The following TBC1D2 variants were observed in gnomAD, a reference collection of about 807,000 sequenced individuals.
TBC1D2 encodes TBC1 domain family member 2A.
In TBC1D2, 58 loss-of-function variants were observed where a neutral mutation model predicts 91.1. The observed-to-expected ratio is 0.64, with a 90% CI of 0.52 to 0.79. The LOEUF (loss-of-function observed/expected upper bound fraction) is 0.79. Ranked by LOEUF, TBC1D2 falls within the 30% of genes least tolerant of loss-of-function variation. The probability of loss-of-function intolerance (pLI) is 0.00; values close to 1 mark genes in which losing one functional copy is unlikely to be tolerated. For missense variants in TBC1D2, 1,080 were observed against 1,208.3 expected, an observed-to-expected ratio of 0.89 and a Z score of 1.57; for synonymous variants, 482 against 511.5, an observed-to-expected ratio of 0.94 and a Z score of 0.78.
At chr9:98,207,272 TTAAA>T (rs1366968791) in intron 9 of TBC1D2, among the ~76,000 whole-genome samples, 1 of 152,222 alleles carries the variant, frequency 6.6e-6, no homozygotes, top group Non-Finnish European at 1.5e-5. Context: ...TGATTCTGTG[TTAAA>T]TAAATGTCAC....
In TBC1D2 at chr9:98,244,119, C is replaced by T; in HGVS notation, c.522G>A (p.Glu174=). The part of the protein sequence containing the change: ...PVLHLELGQE[E]AELEEFLCPV... ...GGCACAGGAACTCCTCCAGCTCTGC[C>T]TCTTCTTGCCCTGGGAACAAAGAAA... The change falls in exon 3 of 13, where the codon GAG becomes GAA. Residue 174 remains glutamate (E), a synonymous_variant. Transcript: ENST00000465784. The T allele has an allele frequency of 6.2e-7, 1 of 1,613,240 alleles. No individual in the cohort carries two copies. Among genetic ancestry groups the T allele is most frequent in the Non-Finnish European group, 8.5e-7 (1 of 1,179,694 alleles).
Position 98,221,075 on chromosome 9 carries a change from CCTCCACCCG to C in TBC1D2, c.1123_1131del (p.Arg375_Glu377del), listed in dbSNP as rs770223807. On this transcript the variant is annotated inframe_deletion, in exon 6 of 13. Transcript: ENST00000465784. Reference sequence around the variant, plus strand: ...AGGCTCTCCCGCTCCTGCTCCAGGGCCTCCACCCGCCGGCCCAGCTCCGCGATCTGCCGC... The same window carrying C: ...AGGCTCTCCCGCTCCTGCTCCAGGGCCCGGCCCAGCTCCGCGATCTGCCGC... 1.3e-6 allele frequency: 2 copies of C among 1,595,910 alleles called. No homozygotes were observed. Among genetic ancestry groups the C allele is most frequent in the South Asian group, 2.2e-5 (2 of 90,328 alleles).
intron 5 of TBC1D2, among the ~76,000 whole-genome samples, chr9:98,221,748 A>C (rs1829107670): frequency 6.6e-6 from 1 of 151,184 alleles, no homozygotes; most frequent in Admixed American, 6.6e-5. Flanking sequence ...TTTTTTTTTG[A>C]GATAGCGTCT....
chr9:98,217,876 G>A (rs1829006845), intron 6 of TBC1D2, among the ~76,000 whole-genome samples: 1 of 151,924 alleles, frequency 6.6e-6, no homozygotes, highest in Non-Finnish European at 1.5e-5. Context: ...TTCATACCTA[G>A]TGAATTTATT....
At chr9:98,212,124 CCAAA>C (rs975834858) in intron 7 of TBC1D2, among the ~76,000 whole-genome samples, 5 of 152,104 alleles carry the variant, frequency 3.3e-5, no homozygotes, top group Admixed American at 1.3e-4. Flanking sequence ...GCTGCTGATT[CCAAA>C]CAATCTCCCT....
intron 6 of TBC1D2, among the ~76,000 whole-genome samples, chr9:98,218,770 A>G (rs1829028544): frequency 6.6e-6 from 1 of 152,032 alleles, no homozygotes; most frequent in African/African-American, 2.4e-5. Flanking sequence ...AGCTCACTGC[A>G]ACCTCCACCT....
chr9:98,210,656 C>G lies in TBC1D2; in HGVS notation c.1673G>C (p.Ser558Thr). The change falls in exon 8 of 13, where the codon AGT (serine) becomes ACT (threonine). Residue 558 changes from serine (S) to threonine (T), a missense_variant and splice_region_variant. Physicochemically the swap from Ser to Thr is moderately conservative, Grantham distance 58. Transcript: ENST00000465784. ...GCCCTTCCTGGGCCGCCAGGCTCAC[C>G]TGATGGGGCTCAGCTCGATGCTGTC... ...SSDSIELSPI[S>T]KYDEYGFLTV... The G allele has an allele frequency of 1.9e-6, 3 of 1,585,154 alleles. No homozygotes were observed. The highest frequency in any genetic ancestry group is 2.6e-6 in the Non-Finnish European group (3 of 1,163,056).
chr9:98,208,890 A>G lies in TBC1D2; in HGVS notation c.1928T>C (p.Val643Ala), dbSNP rs767804386. Residue 643 changes from valine to alanine, a missense_variant, in exon 9 of 13, where the codon GTC becomes GCC. By Grantham distance (64) the Val-to-Ala change is moderately conservative (BLOSUM62 0). Transcript: ENST00000465784. Reference protein sequence around the residue: ...RVWRWLVHLRVQHLHTPGCYQ... With the variant: ...RVWRWLVHLRAQHLHTPGCYQ... The stretch of plus-strand genomic sequence containing the variant: ...GCAGCCTGGAGTGTGCAGGTGCTGG[A>G]CACGGAGGTGGACCAGCCACCTCCA... The G allele has an allele frequency of 5.5e-5, 88 of 1,614,010 alleles. No homozygotes were observed. The highest frequency in any genetic ancestry group is 6.5e-5 in the Non-Finnish European group (77 of 1,180,006).
rs1410198092 is a variant in TBC1D2, at chr9:98,200,393, C to T, written c.2458-19G>A. 1 of 1,566,946 alleles carries T rather than the reference C, an allele frequency of 6.4e-7. No individual in the cohort carries two copies. The highest frequency in any genetic ancestry group is 8.7e-7 in the Non-Finnish European group (1 of 1,154,852). On this transcript the variant is annotated intron_variant, in intron 11 of 12. Transcript: ENST00000465784. ...ACACCACCTGGGGGTAGAGTGGGGG[C>T]TCAGGTAGGGCATGGGGGGGCCAGG...
At chr9:98,236,748 A>G (rs1829514162) in intron 3 of TBC1D2, among the ~76,000 whole-genome samples, 1 of 152,166 alleles carries the variant, frequency 6.6e-6, no homozygotes, top group Non-Finnish European at 1.5e-5. Flanking sequence ...GGAATCCAAA[A>G]ATGGTCTGCA....
At chr9:98,203,868 C>T (rs1330775986) in intron 9 of TBC1D2, among the ~76,000 whole-genome samples, 1 of 152,152 alleles carries the variant, frequency 6.6e-6, no homozygotes, top group Non-Finnish European at 1.5e-5. Context: ...TTGGCAAGTA[C>T]ACTAACCTCT....
Position 98,199,378 on chromosome 9 carries a change from A to G in TBC1D2, c.*3T>C. ...AAGGCTGTGGGGAGGGGAGGTGGCC[A>G]AGTCAGGCTTCCCCCTCCACCTCGT... On this transcript the variant is annotated 3_prime_UTR_variant, in exon 13 of 13. Transcript: ENST00000465784. The G allele has an allele frequency of 6.2e-7, 1 of 1,612,542 alleles. No individual in the cohort carries two copies.
Position 98,210,847 on chromosome 9 carries a change from C to A in TBC1D2, c.1486-4G>T. 1 of 1,550,456 alleles carries A rather than the reference C, an allele frequency of 6.4e-7. No individual in the cohort carries two copies. The highest frequency in any genetic ancestry group is 2.4e-5 in the East Asian group (1 of 40,904). Reference sequence around the variant, plus strand: ...TTCTGGCTTGGAGGTAGGCGCACTGCAAACAGGGAAAGGCTGGTCAGGCTA... The same window carrying A: ...TTCTGGCTTGGAGGTAGGCGCACTGAAAACAGGGAAAGGCTGGTCAGGCTA... On this transcript the variant is annotated splice_polypyrimidine_tract_variant and splice_region_variant and intron_variant, in intron 7 of 12. Transcript: ENST00000465784.
intron 2 of TBC1D2, among the ~76,000 whole-genome samples, chr9:98,248,819 CTTA>C (rs912810330): frequency 2.1e-4 from 32 of 152,160 alleles, no homozygotes; most frequent in African/African-American, 7.7e-4. Context: ...ACTTGCTATT[CTTA>C]TTATTATAAG....
rs150525214 is a variant in TBC1D2, at chr9:98,223,918, G to A, written c.979-2690C>T. Reference sequence around the variant, plus strand: ...AGGACCAATTCTTAAAAATAGGTTGGGCCGGGCGTGGTGGCTCACGCCTGT... The same window carrying A: ...AGGACCAATTCTTAAAAATAGGTTGAGCCGGGCGTGGTGGCTCACGCCTGT... On this transcript the variant is annotated intron_variant, in intron 5 of 12. Coordinates refer to ENST00000465784, the MANE Select transcript of TBC1D2 (RefSeq NM_001267571.2). Among the ~76,000 whole-genome samples the A allele has an allele frequency of 2.4e-3, 364 of 152,328 alleles. 1 individual carries two copies. Among genetic ancestry groups the A allele is most frequent in the African/African-American group, 8.2e-3 (341 of 41,590 alleles).
Position 98,255,194 on chromosome 9 carries a change from G to T in TBC1D2, c.348C>A (p.Pro116=). Residue 116 remains proline, a synonymous_variant, in exon 1 of 13, where the codon CCC becomes CCA. Transcript: ENST00000465784. ...AEEGIFEIKT[P]SRVITLKAAT... ...TTACCTTCAGGGTAATAACCCGGCT[G>T]GGAGTCTTGATTTCGAAGATCCCCT... 8 of 1,609,692 alleles carry T rather than the reference G, an allele frequency of 5.0e-6. No individual in the cohort carries two copies. The highest frequency in any genetic ancestry group is 6.8e-6 in the Non-Finnish European group (8 of 1,176,650).
intron 3 of TBC1D2, among the ~76,000 whole-genome samples, chr9:98,243,677 T>C (rs1021192857): frequency 1.3e-5 from 2 of 151,804 alleles, no homozygotes; most frequent in African/African-American, 4.8e-5. Flanking sequence ...GCTGGGATTA[T>C]AGGCACCTGC....
rs1011422602 is a variant in TBC1D2, at chr9:98,228,076, G to A, written c.978+876C>T. Among the ~76,000 whole-genome samples the A allele has an allele frequency of 2.0e-5, 3 of 152,148 alleles. No individual in the cohort carries two copies. The highest frequency in any genetic ancestry group is 4.8e-5 in the African/African-American group (2 of 41,432). On this transcript the variant is annotated intron_variant, in intron 5 of 12. Transcript: ENST00000465784. This position sits in a 1 kb window ranked among gnomAD's most constrained non-coding sequence, Gnocchi z 4.0. Reference sequence around the variant, plus strand: ...GGAAAACAAAGCAGAAAGGGCCTCCGGGCAGCCAAAGTTCAAACACAAAAG... The same window carrying A: ...GGAAAACAAAGCAGAAAGGGCCTCCAGGCAGCCAAAGTTCAAACACAAAAG...
chr9:98,213,351 T>A (rs1307824368), intron 6 of TBC1D2, 133 bp from the exon 7 acceptor site: 8 of 1,484,332 alleles, frequency 5.4e-6, no homozygotes, highest in Non-Finnish European at 7.2e-6. Context: ...GAAGAGGAAG[T>A]CTGAAAGAAA....
Sources: gnomAD v4.1 joint callset for allele counts (sites outside exome capture counted in the v4.1 genomes callset) on GRCh38, gnomAD v4.1.1 for gene constraint, Gnocchi (gnomAD v3.1) non-coding constraint, MANE v1.5 for transcripts, NCBI Gene and HGNC (gene_info 2026-07-23, HGNC 2026-07-21) for gene names.